PPP2R1A: variants seen among roughly 807,000 people sequenced by gnomAD.
PPP2R1A encodes protein phosphatase 2 scaffold subunit Aalpha, also known as serine/threonine-protein phosphatase 2A 65 kDa regulatory subunit A alpha isoform.
A neutral mutation model predicts 67.1 loss-of-function variants in PPP2R1A; 15 were observed. The observed-to-expected ratio is 0.22, with a 90% confidence interval of 0.15 to 0.34. The LOEUF is 0.34. Among genes scored for constraint, PPP2R1A ranks in the 10% least tolerant of loss-of-function variants. PPP2R1A has a pLI of 1.00. For missense variants in PPP2R1A, 369 were observed against 775.0 expected (o/e 0.48, Z 6.22); for synonymous variants, 337 against 325.0 (o/e 1.04, Z -0.40).
chr19:52,201,074 C>T (rs966270011), intron 1 of PPP2R1A: 1 of 151,570 alleles, frequency 6.6e-6, no homozygotes, highest in East Asian at 1.9e-4. Flanking sequence ...ATTATCTGGA[C>T]ACACTTAACT....
At chr19:52,200,796 A>G (rs1308173580) in intron 1 of PPP2R1A, among the ~76,000 whole-genome samples, 1 of 149,152 alleles carries the variant, frequency 6.7e-6, no homozygotes, top group Non-Finnish European at 1.5e-5. Context: ...CCATCTTCAC[A>G]TGCGTGCCTT....
At position 52,224,890 on chromosome 19, in the gene PPP2R1A, G is replaced by A. The variant is rs889768987; in HGVS notation, c.1662-827G>A. On this transcript the variant is annotated intron_variant, in intron 13 of 14. Coordinates refer to ENST00000322088, the MANE Select transcript of PPP2R1A (RefSeq NM_014225.6). ...AATTTTTGTACTTTGAGTAGAGATG[G>A]GGGTTTTCCCATGTTGTCCAGGCTG... 1.6e-4 allele frequency among the ~76,000 whole-genome samples: 25 copies of A among 151,980 alleles called. 1 individual carries two copies. The highest frequency in any genetic ancestry group is 1.2e-3 in the Admixed American group (19 of 15,264).
intron 11 of PPP2R1A, among the ~76,000 whole-genome samples, chr19:52,220,702 A>G (rs1447966221): frequency 6.6e-6 from 1 of 152,194 alleles, no homozygotes; most frequent in Non-Finnish European, 1.5e-5. Context: ...TAAGTGCCAC[A>G]TAATTTAGGC....
At chr19:52,204,189 G>T (rs2089579618) in intron 2 of PPP2R1A, among the ~76,000 whole-genome samples, 1 of 152,224 alleles carries the variant, frequency 6.6e-6, no homozygotes, top group East Asian at 1.9e-4. Flanking sequence ...GGTAGCCATG[G>T]GTTGAGCAAG....
chr19:52,218,675 C>T (rs1978731190), intron 9 of PPP2R1A, among the ~76,000 whole-genome samples: 1 of 152,150 alleles, frequency 6.6e-6, no homozygotes, highest in Admixed American at 6.5e-5. Flanking sequence ...GTGAGAGCCC[C>T]TCAAGTTGTC....
At position 52,195,256 on chromosome 19, in the gene PPP2R1A, G is replaced by A. The variant is rs139588401; in HGVS notation, c.78+5082G>A. Among the ~76,000 whole-genome samples the A allele has an allele frequency of 1.2e-3, 177 of 152,246 alleles. 2 individuals are homozygous for A. The highest frequency in any genetic ancestry group is 4.2e-3 in the African/African-American group (173 of 41,550). On this transcript the variant is annotated intron_variant, in intron 1 of 14. Transcript: ENST00000322088. ...CAGGCTCTGTGCCGAGGCCTGCTGG[G>A]ACACAGAGAGTCCCAGTCTAGGGTG...
rs754216175 is a variant in PPP2R1A, at chr19:52,212,939, C to T, written c.652-16C>T. ...AGGCCTCTGCTGCCCTCCCACTGTT[C>T]CTCTCCTCTCCCTAGGACTCGGTGC... On this transcript the variant is annotated splice_polypyrimidine_tract_variant and intron_variant, in intron 5 of 14. Coordinates refer to ENST00000322088, the MANE Select transcript of PPP2R1A (RefSeq NM_014225.6). This position sits in a 1 kb window ranked among gnomAD's most constrained non-coding sequence, Gnocchi z 4.1. 2.5e-6 allele frequency: 4 copies of T among 1,578,634 alleles called. No homozygotes were observed. The Admixed American group carries it at 7.2e-5, about 28-fold the overall frequency.
Position 52,211,623 on chromosome 19 carries a change from C to T in PPP2R1A, c.503+131C>T, listed in dbSNP as rs925896065. The T allele has an allele frequency of 4.1e-5, 37 of 901,338 alleles. No individual in the cohort carries two copies. In the South Asian group the frequency reaches 6.2e-4, roughly 15 times the overall value. 55.8% of individuals were successfully genotyped at this position (901,338 alleles called of 1,614,324 possible). A position where few individuals can be genotyped will look rare whatever the true frequency, so the allele number is the denominator to read the frequency against. ...TCTCTCCACTCCCACTCCTGCTTAC[C>T]ACCTGATAGGCCACATCCTCGAGAG... On this transcript the variant is annotated intron_variant, in intron 4 of 14. Transcript: ENST00000322088. The surrounding 1 kb of genome is among the most constrained non-coding windows in gnomAD (Gnocchi z 5.3).
At chr19:52,208,684 G>A (rs772448169) in intron 3 of PPP2R1A, among the ~76,000 whole-genome samples, 1 of 151,924 alleles carries the variant, frequency 6.6e-6, no homozygotes. Flanking sequence ...ATTTTTTGTA[G>A]AGACAGGGTT....
intron 11 of PPP2R1A, among the ~76,000 whole-genome samples, 178 bp from the exon 12 acceptor site, chr19:52,220,801 A>AT (rs1978869433): frequency 1.3e-5 from 2 of 152,278 alleles, no homozygotes; most frequent in South Asian, 4.1e-4. Flanking sequence ...AAGATACTGT[A>AT]TAAAAAAAAA....
At chr19:52,221,980 C>A in intron 12 of PPP2R1A, 119 bp from the exon 13 acceptor site, 1 of 1,012,668 alleles carries the variant, frequency 9.9e-7, no homozygotes, top group Non-Finnish European at 1.4e-6. Flanking sequence ...CTGAGTCACC[C>A]GTATTGCTCA....
rs1978776063 is a variant in PPP2R1A, at chr19:52,219,333, A to G, written c.1129-358A>G. ...TTCCTTCCCTTCTCCCATGTTGTGGATTGATACCCAGAAAGGAACCCTTGT... is the reference window on the plus strand; with the variant it reads ...TTCCTTCCCTTCTCCCATGTTGTGGGTTGATACCCAGAAAGGAACCCTTGT... On this transcript the variant is annotated intron_variant, in intron 9 of 14. Coordinates refer to ENST00000322088, the MANE Select transcript of PPP2R1A (RefSeq NM_014225.6). This position sits in a 1 kb window ranked among gnomAD's most constrained non-coding sequence, Gnocchi z 4.0. 6.6e-6 allele frequency among the ~76,000 whole-genome samples: 1 copy of G among 152,202 alleles called. No homozygotes were observed. The highest frequency in any genetic ancestry group is 1.5e-5 in the Non-Finnish European group (1 of 68,026).
chr19:52,221,621 G>T (rs942596653), intron 12 of PPP2R1A, among the ~76,000 whole-genome samples: 1 of 152,134 alleles, frequency 6.6e-6, no homozygotes, highest in Non-Finnish European at 1.5e-5. Flanking sequence ...CCTGGTGAGC[G>T]TGAAGATTAA....
chr19:52,222,268 CT>C (rs1401220666), intron 13 of PPP2R1A, 27 bp downstream of exon 13: 1 of 1,602,236 alleles, frequency 6.2e-7, no homozygotes, highest in Non-Finnish European at 8.5e-7. Context: ...CCCCCACACA[CT>C]GGCAGGGGCT....
At chr19:52,225,074 A>G (rs183187429) in intron 13 of PPP2R1A, among the ~76,000 whole-genome samples, 174 of 142,374 alleles carry the variant, frequency 1.2e-3, no homozygotes, top group African/African-American at 4.2e-3. Flanking sequence ...CTGGAGTGCA[A>G]TGATGCAATC....
rs1277898293 is a variant in PPP2R1A at position 52,228,876 on chromosome 19, T to A, written c.*2895T>A. The A allele has an allele frequency of 6.6e-6, 1 of 152,256 alleles. No homozygotes were observed. Among genetic ancestry groups the A allele is most frequent in the Admixed American group, 6.5e-5 (1 of 15,280 alleles). 9.4% of individuals were successfully genotyped at this position (152,256 alleles called of 1,614,324 possible). ...TGGATGTGGATGAGGTCGAGTCACT[T>A]GTTGCCTTTGGCTAATGCATAGGGG... On this transcript the variant is annotated 3_prime_UTR_variant, in exon 15 of 15. Coordinates refer to ENST00000322088, the MANE Select transcript of PPP2R1A (RefSeq NM_014225.6).
chr19:52,209,329 C>G (rs1353647207), intron 3 of PPP2R1A, among the ~76,000 whole-genome samples: 1 of 152,094 alleles, frequency 6.6e-6, no homozygotes, highest in Non-Finnish European at 1.5e-5. Flanking sequence ...TGCAGTATCC[C>G]AGTCACACCG....
At chr19:52,222,331 G>C in intron 13 of PPP2R1A, 90 bp downstream of exon 13, 1 of 1,493,682 alleles carries the variant, frequency 6.7e-7, no homozygotes, top group Non-Finnish European at 8.9e-7. Context: ...CAGGGTCAGA[G>C]GCCTGGCAGC....
intron 1 of PPP2R1A, among the ~76,000 whole-genome samples, chr19:52,196,782 C>T (rs576147951): frequency 2.6e-5 from 4 of 152,154 alleles, no homozygotes; most frequent in Non-Finnish European, 4.4e-5. Flanking sequence ...TGGTTGTATC[C>T]TCCATTCTAC....
Sources: gnomAD v4.1 joint callset for allele counts (sites outside exome capture counted in the v4.1 genomes callset) on GRCh38, gnomAD v4.1.1 for gene constraint, Gnocchi (gnomAD v3.1) non-coding constraint, MANE v1.5 for transcripts, NCBI Gene and HGNC (gene_info 2026-07-23, HGNC 2026-07-21) for gene names.